CUX1: variants seen among roughly 807,000 people sequenced by gnomAD.
CUX1 encodes protein CASP.
Under a neutral mutation model 158.8 loss-of-function variants are expected in CUX1, and 31 were observed. The observed-to-expected ratio is 0.20, with a 90% confidence interval of 0.15 to 0.26. The LOEUF (loss-of-function observed/expected upper bound fraction) is 0.26. CUX1 is among the 10% of genes least tolerant of loss of function. The pLI, the probability that CUX1 is intolerant of heterozygous loss-of-function variation, is 1.00. For synonymous variants in CUX1, 879 were observed against 862.1 expected (o/e 1.02, Z -0.34); for missense variants, 1,589 against 2,014.6 (o/e 0.79, Z 4.04).
chr7:101,900,501 A>G (rs1193279847), intron 1 of CUX1, among the ~76,000 whole-genome samples: 1 of 152,174 alleles, frequency 6.6e-6, no homozygotes, highest in Non-Finnish European at 1.5e-5. Context: ...ATAAAATCAA[A>G]GCTGGCTCCG....
At chr7:101,980,961 A>G (rs1220891504) in intron 2 of CUX1, among the ~76,000 whole-genome samples, 1 of 152,196 alleles carries the variant, frequency 6.6e-6, no homozygotes, top group Non-Finnish European at 1.5e-5. Flanking sequence ...ACCGAGTCAC[A>G]TGCTGCGTCT....
intron 3 of CUX1, among the ~76,000 whole-genome samples, chr7:102,052,924 C>T (rs572640081): frequency 5.9e-4 from 90 of 152,276 alleles, no homozygotes; most frequent in African/African-American, 2.1e-3. Flanking sequence ...TCTCCTGCCT[C>T]GGCCTCCTGA....
At chr7:101,938,907 G>T (rs887930516) in intron 2 of CUX1, among the ~76,000 whole-genome samples, 1 of 151,602 alleles carries the variant, frequency 6.6e-6, no homozygotes, top group African/African-American at 2.4e-5. Flanking sequence ...TGGGCATGGT[G>T]GTGTATGTCT....
downstream of CUX1, chr7:102,258,352 C>A: frequency 4.8e-6 from 1 of 209,410 alleles, no homozygotes; most frequent in Non-Finnish European, 8.3e-6. Context: ...CCCCTTTGCA[C>A]CTGTCCGCAG....
At chr7:101,919,270 A>C (rs977589587) in intron 2 of CUX1, among the ~76,000 whole-genome samples, 1 of 152,084 alleles carries the variant, frequency 6.6e-6, no homozygotes, top group Admixed American at 6.5e-5. Context: ...GCCTCAGCTC[A>C]GTGCCTGGCC....
chr7:102,168,472 C>T (rs1791296640), intron 9 of CUX1, among the ~76,000 whole-genome samples: 1 of 151,898 alleles, frequency 6.6e-6, no homozygotes, highest in Non-Finnish European at 1.5e-5. Context: ...ACATGTGAAA[C>T]CCCATCTCTA....
chr7:101,858,875 A>T (rs1284058862), intron 1 of CUX1, among the ~76,000 whole-genome samples: 2 of 152,126 alleles, frequency 1.3e-5, no homozygotes, highest in East Asian at 3.8e-4. Flanking sequence ...CATGTTGGCC[A>T]GGCTGGACTC....
At chr7:102,175,091 A>T (rs1554511442) in intron 10 of CUX1, among the ~76,000 whole-genome samples, 2 of 152,062 alleles carry the variant, frequency 1.3e-5, no homozygotes, top group Non-Finnish European at 1.5e-5. Flanking sequence ...ATGAAGGAGG[A>T]GTTTGTGGCT....
chr7:101,878,529 G>T (rs917258126), intron 1 of CUX1, among the ~76,000 whole-genome samples: 3 of 152,150 alleles, frequency 2.0e-5, no homozygotes, highest in African/African-American at 7.2e-5. Flanking sequence ...CGCTGCTGGG[G>T]TCTGGCAAAG....
intron 8 of CUX1, among the ~76,000 whole-genome samples, chr7:102,128,553 C>T (rs954732888): frequency 4.6e-5 from 7 of 150,804 alleles, no homozygotes; most frequent in Non-Finnish European, 3.0e-5. Flanking sequence ...TCCAGGGCAC[C>T]GGGCACAGCA....
intron 1 of CUX1, among the ~76,000 whole-genome samples, chr7:101,834,825 C>G (rs1439908686): frequency 1.3e-5 from 2 of 151,956 alleles, no homozygotes; most frequent in African/African-American, 2.4e-5. Context: ...ATGGCAAAAC[C>G]CTGTCCCTAC....
At chr7:102,004,377 C>T (rs1274939990) in intron 2 of CUX1, among the ~76,000 whole-genome samples, 9 of 152,168 alleles carry the variant, frequency 5.9e-5, no homozygotes, top group Admixed American at 5.9e-4. Context: ...CCTGGGAGCA[C>T]GGGTCGGATG....
chr7:101,886,903 G>A (rs1206335108), intron 1 of CUX1, among the ~76,000 whole-genome samples: 1 of 152,154 alleles, frequency 6.6e-6, no homozygotes, highest in Non-Finnish European at 1.5e-5. Context: ...CTGAAGGGTA[G>A]ATGCTGCTTC....
At chr7:102,079,849 G>C (rs1827164539) in intron 4 of CUX1, among the ~76,000 whole-genome samples, 1 of 152,194 alleles carries the variant, frequency 6.6e-6, no homozygotes, top group Non-Finnish European at 1.5e-5. Context: ...CCAGGATACA[G>C]GTCCCTGGCC....
At chr7:101,966,032 G>A (rs1174736732) in intron 2 of CUX1, among the ~76,000 whole-genome samples, 8 of 152,110 alleles carry the variant, frequency 5.3e-5, no homozygotes, top group South Asian at 4.2e-4. Flanking sequence ...ATATTGAGGC[G>A]TTATTGCTAT....
chr7:102,255,030 G>C lies in CUX1; in HGVS notation c.*5988G>C. 2.0e-6 allele frequency: 2 copies of C among 985,496 alleles called. No individual in the cohort carries two copies. Among genetic ancestry groups the C allele is most frequent in the Non-Finnish European group, 2.4e-6 (2 of 830,032 alleles). 61.0% of individuals were successfully genotyped at this position (985,496 alleles called of 1,614,324 possible). A position where few individuals can be genotyped will look rare whatever the true frequency, so the allele number is the denominator to read the frequency against. ...GGCTTAATCAGGACGGAAGAGGAGG[G>C]GGTGTGGGGGGCAGAGCGTAAAACA... On this transcript the variant is annotated 3_prime_UTR_variant, in exon 24 of 24. Transcript: ENST00000292535.
At chr7:101,870,312 A>T (rs1798385667) in intron 1 of CUX1, among the ~76,000 whole-genome samples, 1 of 151,394 alleles carries the variant, frequency 6.6e-6, no homozygotes, top group South Asian at 2.1e-4. Context: ...TGCACCCACC[A>T]CACCGGGCTA....
intron 19 of CUX1, 61 bp downstream of exon 19, chr7:102,204,617 C>G (rs1324958188): frequency 6.3e-7 from 1 of 1,583,862 alleles, no homozygotes; most frequent in African/African-American, 1.3e-5. Flanking sequence ...CTGGTCACAG[C>G]AGCCCCACCT....
chr7:102,216,797 C>T (rs1209213481), intron 20 of CUX1, among the ~76,000 whole-genome samples: 2 of 44,176 alleles, frequency 4.5e-5, no homozygotes, highest in African/African-American at 9.5e-5. Flanking sequence ...CACACTCTCC[C>T]ACACACACCC....
Sources: gnomAD v4.1 joint callset for allele counts (sites outside exome capture counted in the v4.1 genomes callset) on GRCh38, gnomAD v4.1.1 for gene constraint, MANE v1.5 for transcripts, NCBI Gene and HGNC (gene_info 2026-07-23, HGNC 2026-07-21) for gene names.